Variants in NALCN observed in about 807,000 individuals in gnomAD.
NALCN encodes the protein sodium leak channel NALCN.
NALCN carries 111 observed loss-of-function variants against 225.3 expected under a neutral mutation model. The ratio of observed to expected loss-of-function variants is 0.49; its 90% CI spans 0.42 to 0.58. The LOEUF (loss-of-function observed/expected upper bound fraction) is 0.58. Among genes scored for constraint, NALCN ranks in the 20% least tolerant of loss-of-function variants. The probability of loss-of-function intolerance (pLI) is 0.00; values close to 1 mark genes in which losing one functional copy is unlikely to be tolerated. For synonymous variants in NALCN, 764 were observed against 769.0 expected (o/e 0.99, Z 0.11); for missense variants, 1,378 against 2,202.4 (o/e 0.63, Z 7.49).
intron 39 of NALCN, among the ~76,000 whole-genome samples, chr13:101,065,967 C>T (rs1311402195): frequency 7.9e-5 from 12 of 152,170 alleles, no homozygotes; most frequent in Non-Finnish European, 1.5e-4. Context: ...AAGACACACA[C>T]GTGTAATCCT....
Position 101,176,327 on chromosome 13 carries a change from A to G in NALCN, c.1812T>C (p.Leu604=). ...GTTTAAGCTTCTTTAGGTCTTCATC[A>G]AGTTCTAAGTTGTCCAAAATAACAG... The part of the protein sequence containing the change: ...FVAVILDNLE[L]DEDLKKLKQL... The change falls in exon 15 of 44, where the codon CTT becomes CTC. Residue 604 remains leucine (L), a synonymous_variant. Transcript: ENST00000251127. The G allele has an allele frequency of 6.3e-7, 1 of 1,595,890 alleles. No individual in the cohort carries two copies. The highest frequency in any genetic ancestry group is 8.5e-7 in the Non-Finnish European group (1 of 1,173,610).
chr13:101,345,789 GAGAA>G lies in NALCN; in HGVS notation c.645-373_645-370del, dbSNP rs546424873. The stretch of plus-strand genomic sequence containing the variant: ...ATATATATTTAGAGAGGGAGAGAGA[GAGAA>G]AGAGAGACCTTGAGAGACCTTCTTG... On this transcript the variant is annotated intron_variant, in intron 6 of 43. Coordinates refer to ENST00000251127, the MANE Select transcript of NALCN (RefSeq NM_052867.4). Among the ~76,000 whole-genome samples, 24 of 129,158 alleles carry G rather than the reference GAGAA, an allele frequency of 1.9e-4. No homozygotes were observed. In the East Asian group the frequency reaches 4.4e-3, roughly 24 times the overall value. 84.7% of individuals were successfully genotyped at this position (129,158 alleles called of 152,430 possible).
At chr13:101,212,862 C>A (rs1321239687) in intron 13 of NALCN, among the ~76,000 whole-genome samples, 2 of 152,234 alleles carry the variant, frequency 1.3e-5, no homozygotes, top group East Asian at 3.9e-4. Context: ...ATGAAAATGG[C>A]CATACTGCCC....
chr13:101,099,676 T>A (rs571177302), intron 27 of NALCN, among the ~76,000 whole-genome samples: 1 of 152,332 alleles, frequency 6.6e-6, no homozygotes, highest in African/African-American at 2.4e-5. Context: ...GTCCCCCTTT[T>A]ATTTTTCTGG....
intron 15 of NALCN, among the ~76,000 whole-genome samples, chr13:101,149,103 C>T (rs970567578): frequency 6.6e-6 from 1 of 152,114 alleles, no homozygotes; most frequent in Non-Finnish European, 1.5e-5. Flanking sequence ...ACCATCCTGG[C>T]TAACACGGTG....
At chr13:101,200,817 G>A (rs767257104) in intron 13 of NALCN, among the ~76,000 whole-genome samples, 6 of 152,182 alleles carry the variant, frequency 3.9e-5, no homozygotes, top group Non-Finnish European at 8.8e-5. Flanking sequence ...TAAACAGGCT[G>A]AAAGATCATG....
intron 14 of NALCN, among the ~76,000 whole-genome samples, chr13:101,188,629 T>C (rs1424475565): frequency 1.3e-5 from 2 of 148,964 alleles, no homozygotes; most frequent in Admixed American, 1.3e-4. Flanking sequence ...CATATATACA[T>C]ATATACACAT....
At chr13:101,404,233 T>A (rs951518922) in intron 1 of NALCN, among the ~76,000 whole-genome samples, 2 of 152,176 alleles carry the variant, frequency 1.3e-5, no homozygotes, top group Admixed American at 1.3e-4. Flanking sequence ...AGGCAAGGAA[T>A]ATTGAGCAGT....
intron 14 of NALCN, chr13:101,180,813 GT>G: frequency 2.9e-6 from 1 of 339,160 alleles, no homozygotes. Flanking sequence ...AGTGAGGTGT[GT>G]GGGCATCTCC....
chr13:101,357,676 A>G (rs2046103751), intron 6 of NALCN, among the ~76,000 whole-genome samples: 1 of 152,116 alleles, frequency 6.6e-6, no homozygotes, highest in Non-Finnish European at 1.5e-5. Flanking sequence ...CAGAATTAGA[A>G]AAAAACTACC....
chr13:101,280,445 C>T (rs1429272738), intron 10 of NALCN, among the ~76,000 whole-genome samples: 4 of 152,112 alleles, frequency 2.6e-5, no homozygotes, highest in Non-Finnish European at 2.9e-5. Context: ...TCTCCTTGCT[C>T]GATTTTGTCA....
In NALCN at chr13:101,405,134, C is replaced by G. The variant is rs9300664; in HGVS notation, c.-39-5969G>C. On this transcript the variant is annotated intron_variant, in intron 1 of 43. Coordinates refer to ENST00000251127, the MANE Select transcript of NALCN (RefSeq NM_052867.4). Reference sequence around the variant, plus strand: ...TACATTTGAACAAGAGCTTCCTGTCCTTTCCCTATATGCACATTTACATCT... The same window carrying G: ...TACATTTGAACAAGAGCTTCCTGTCGTTTCCCTATATGCACATTTACATCT... Among the ~76,000 whole-genome samples, 309 of 152,296 alleles carry G rather than the reference C, an allele frequency of 2.0e-3. 2 individuals carry two copies. Among genetic ancestry groups the G allele is most frequent in the African/African-American group, 7.1e-3 (296 of 41,554 alleles).
In NALCN at chr13:101,278,733, T is replaced by C. The variant is rs547416362; in HGVS notation, c.1134+5200A>G. 2.1e-4 allele frequency among the ~76,000 whole-genome samples: 32 copies of C among 152,202 alleles called. 2 individuals carry two copies. The South Asian group carries it at 6.6e-3, about 32-fold the overall frequency. On this transcript the variant is annotated intron_variant, in intron 10 of 43. Coordinates refer to ENST00000251127, the MANE Select transcript of NALCN (RefSeq NM_052867.4). ...TAGAGGAGACATCCTGGCAAAACTA[T>C]CCAGAGATATCCAAAGTCCTACAAC...
intron 13 of NALCN, among the ~76,000 whole-genome samples, chr13:101,210,544 G>T (rs7489479): frequency 0.25 from 37,758 of 151,854 alleles, 4,876 homozygotes; most frequent in East Asian, 0.37. Context: ...TTTTGCATTT[G>T]TCTGGAAAGT....
intron 39 of NALCN, among the ~76,000 whole-genome samples, chr13:101,066,308 C>CAAAAAAAAA (rs72260451): frequency 8.0e-6 from 1 of 125,150 alleles, no homozygotes. Context: ...GACTCCATCT[C>CAAAAAAAAA]AAAAAAAAAA....
At chr13:101,406,797 T>A (rs2047639120) in intron 1 of NALCN, among the ~76,000 whole-genome samples, 1 of 152,238 alleles carries the variant, frequency 6.6e-6, no homozygotes. Context: ...ATACCTTCAT[T>A]ATTTTTTTCT....
intron 30 of NALCN, among the ~76,000 whole-genome samples, chr13:101,088,692 G>A (rs1016471238): frequency 2.0e-5 from 3 of 152,106 alleles, no homozygotes; most frequent in African/African-American, 7.2e-5. Flanking sequence ...ACAATAGAGG[G>A]CATAGCTCAA....
intron 27 of NALCN, among the ~76,000 whole-genome samples, chr13:101,099,243 G>A (rs906215618): frequency 6.6e-6 from 1 of 151,942 alleles, no homozygotes; most frequent in Non-Finnish European, 1.5e-5. Context: ...GATACGGCAT[G>A]ACCGTCAGGC....
chr13:101,092,256 G>A (rs2034272378), intron 28 of NALCN, among the ~76,000 whole-genome samples: 1 of 152,166 alleles, frequency 6.6e-6, no homozygotes, highest in Admixed American at 6.5e-5. Context: ...CCAAGATCAA[G>A]GTAGGGAGAG....
Sources: gnomAD v4.1 joint callset for allele counts (sites outside exome capture counted in the v4.1 genomes callset) on GRCh38, gnomAD v4.1.1 for gene constraint, MANE v1.5 for transcripts, NCBI Gene and HGNC (gene_info 2026-07-23, HGNC 2026-07-21) for gene names.